MOV10L1: variants seen among roughly 807,000 people sequenced by gnomAD.
The protein encoded by MOV10L1 is Mov10 like RNA helicase 1.
Under a neutral mutation model 143.8 loss-of-function variants are expected in MOV10L1, and 110 were observed. The ratio of observed to expected loss-of-function variants is 0.76; its 90% CI spans 0.66 to 0.90. MOV10L1 has a LOEUF of 0.90. Among genes scored for constraint, MOV10L1 ranks in the 40% least tolerant of loss-of-function variants. The pLI is 0.00. For missense variants in MOV10L1, 1,406 were observed against 1,526.8 expected (o/e 0.92, Z 1.32); for synonymous variants, 593 against 581.1 (o/e 1.02, Z -0.29).
At chr22:50,125,783 G>T (rs138241) in intron 11 of MOV10L1, among the ~76,000 whole-genome samples, 35,643 of 151,708 alleles carry the variant, frequency 0.23, 5,132 homozygotes, top group Non-Finnish European at 0.33. Flanking sequence ...TAATGTTTTT[G>T]TTTGTTTGTT....
intron 3 of MOV10L1, among the ~76,000 whole-genome samples, chr22:50,106,987 C>T (rs1460416979): frequency 6.6e-6 from 1 of 151,556 alleles, no homozygotes; most frequent in African/African-American, 2.4e-5. Context: ...AGGCGTGAGC[C>T]ACCATGCCCG....
At chr22:50,133,768 TCCTGACCTCAGGTGATCCA>T (rs1381219653) in intron 13 of MOV10L1, among the ~76,000 whole-genome samples, 1 of 152,148 alleles carries the variant, frequency 6.6e-6, no homozygotes, top group Admixed American at 6.5e-5. Context: ...GGTCTCGAAC[TCCTGACCTCAGGTGATCCA>T]CCCACCTCGG....
intron 3 of MOV10L1, among the ~76,000 whole-genome samples, chr22:50,104,067 A>G (rs1468825623): frequency 1.3e-5 from 2 of 152,172 alleles, no homozygotes; most frequent in East Asian, 3.8e-4. Flanking sequence ...ACAGATCGTC[A>G]GGCATTAGAT....
rs1317208040 is a variant in MOV10L1 at position 50,134,558 on chromosome 22, G to A, written c.1998G>A (p.Gln666=). ...TGTTTCCAGAAGAAATTATTTTACA[G>A]TCTCCACAAGTGACGGGAAATTGGA... is the stretch of plus-strand genomic sequence containing the variant. The part of the protein sequence containing the change: ...KVLFPEEIIL[Q]SPQVTGNWNH... Residue 666 remains glutamine (Q), a synonymous_variant, in exon 15 of 27, where the codon CAG becomes CAA. Coordinates refer to ENST00000262794, the MANE Select transcript of MOV10L1 (RefSeq NM_018995.3). The A allele has an allele frequency of 3.1e-6, 5 of 1,613,890 alleles. No homozygotes were observed. The Admixed American group carries it at 5.0e-5, about 16-fold the overall frequency.
intron 5 of MOV10L1, among the ~76,000 whole-genome samples, chr22:50,109,231 A>G (rs559874126): frequency 7.6e-4 from 115 of 152,272 alleles, no homozygotes; most frequent in African/African-American, 2.7e-3. Flanking sequence ...CAAATAGTAG[A>G]CATTTCAAGC....
intron 26 of MOV10L1, 132 bp downstream of exon 26, chr22:50,161,187 A>C (rs1602385876): frequency 1.2e-5 from 13 of 1,078,728 alleles, no homozygotes; most frequent in Admixed American, 8.0e-5. Context: ...CACCGTCCTC[A>C]CCTCATCCTG....
chr22:50,141,942 G>A (rs2062999583), intron 15 of MOV10L1, 139 bp from the exon 16 acceptor site: 7 of 473,744 alleles, frequency 1.5e-5, no homozygotes, highest in Middle Eastern at 6.1e-4. Flanking sequence ...TTTTCAAAGG[G>A]TCTGACCTGT....
rs568911943 is a variant in MOV10L1 at position 50,147,695 on chromosome 22, G to A, written c.2627+1885G>A. On this transcript the variant is annotated intron_variant, in intron 19 of 26. Transcript: ENST00000262794. ...GGGCACTTCAAAGGGCAAAGAAGTA[G>A]CAATGTCATCTGGCAAAAGTGACAT... Among the ~76,000 whole-genome samples the A allele has an allele frequency of 3.0e-4, 46 of 152,380 alleles. 1 individual carries two copies. In the South Asian group the frequency reaches 9.3e-3, roughly 31 times the overall value.
intron 1 of MOV10L1, 182 bp downstream of exon 1, chr22:50,090,367 C>T: frequency 1.3e-6 from 2 of 1,529,592 alleles, no homozygotes; most frequent in African/African-American, 1.4e-5. Context: ...CCCACAGCAT[C>T]CCGCCGCTCT....
chr22:50,120,643 G>T (rs750969584), intron 10 of MOV10L1, 27 bp downstream of exon 10: 38 of 1,488,642 alleles, frequency 2.6e-5, no homozygotes, highest in Non-Finnish European at 3.3e-5. Flanking sequence ...GGCCTGTGGG[G>T]TGTTGGCATC....
intron 15 of MOV10L1, among the ~76,000 whole-genome samples, chr22:50,137,645 C>T (rs1180309094): frequency 1.3e-5 from 2 of 151,642 alleles, no homozygotes; most frequent in Non-Finnish European, 2.9e-5. Context: ...GTGGAGATTG[C>T]AGTGAGCCAA....
chr22:50,121,354 C>G (rs1156440083), intron 10 of MOV10L1, among the ~76,000 whole-genome samples: 3 of 152,182 alleles, frequency 2.0e-5, no homozygotes, highest in Admixed American at 6.5e-5. Flanking sequence ...AGCTGATGCC[C>G]CATGACCGGG....
intron 9 of MOV10L1, among the ~76,000 whole-genome samples, chr22:50,117,561 C>G (rs1367586989): frequency 6.6e-6 from 1 of 152,152 alleles, no homozygotes; most frequent in Admixed American, 6.5e-5. Context: ...TCTGCAGCTG[C>G]CCAGCAGCAG....
intron 15 of MOV10L1, among the ~76,000 whole-genome samples, chr22:50,138,927 C>T (rs943304589): frequency 6.6e-6 from 1 of 152,090 alleles, no homozygotes; most frequent in Non-Finnish European, 1.5e-5. Flanking sequence ...TGGTCTCAAA[C>T]TCCTGACCTC....
At chr22:50,104,971 A>G (rs548746571) in intron 3 of MOV10L1, among the ~76,000 whole-genome samples, 1 of 150,776 alleles carries the variant, frequency 6.6e-6, no homozygotes, top group East Asian at 2.0e-4. Flanking sequence ...AGCTCATTGC[A>G]GCCTCAACCT....
intron 7 of MOV10L1, 56 bp downstream of exon 7, chr22:50,114,678 G>A: frequency 6.3e-7 from 1 of 1,596,398 alleles, no homozygotes; most frequent in Non-Finnish European, 8.5e-7. Flanking sequence ...GGGCCGTGGG[G>A]TTGTGAGTTC....
Position 50,151,945 on chromosome 22 carries a change from G to A in MOV10L1, c.2892+1046G>A, listed in dbSNP as rs145986014. On this transcript the variant is annotated intron_variant, in intron 21 of 26. Coordinates refer to ENST00000262794, the MANE Select transcript of MOV10L1 (RefSeq NM_018995.3). ...AGCGGCTGCCACAGTGACCCCAGGA[G>A]GCTGCATGCTTCCTTTCTCTTCCCC... Among the ~76,000 whole-genome samples, 26 of 152,364 alleles carry A rather than the reference G, an allele frequency of 1.7e-4. No individual in the cohort carries two copies. In the East Asian group the frequency reaches 5.0e-3, roughly 29 times the overall value.
intron 26 of MOV10L1, 146 bp from the exon 27 acceptor site, chr22:50,161,222 G>T: frequency 1.0e-6 from 1 of 988,454 alleles, no homozygotes; most frequent in East Asian, 2.5e-5. Context: ...CTGTTTCCTG[G>T]ACATTTGGGG....
At chr22:50,155,500 G>C (rs1209951059) in intron 22 of MOV10L1, among the ~76,000 whole-genome samples, 2 of 152,078 alleles carry the variant, frequency 1.3e-5, no homozygotes, top group Non-Finnish European at 2.9e-5. Flanking sequence ...TTTTGAGACA[G>C]GGTTTTGTTC....
Sources: allele counts gnomAD v4.1 joint callset (sites outside exome capture counted in the v4.1 genomes callset), GRCh38; gene constraint gnomAD v4.1.1; transcripts MANE v1.5; gene names NCBI Gene and HGNC (gene_info 2026-07-23, HGNC 2026-07-21).